The following C8orf34 variants were observed in gnomAD, a reference collection of about 807,000 sequenced individuals.
C8orf34 encodes the protein chromosome 8 open reading frame 34, also known as uncharacterized protein C8orf34.
Under a neutral mutation model 68.3 loss-of-function variants are expected in C8orf34, and 65 were observed. That is an observed-to-expected ratio of 0.95 (90% CI 0.78 to 1.17). The LOEUF is 1.17. Ranked by LOEUF, C8orf34 falls within the 50% of genes most tolerant of loss-of-function variation. The pLI is 0.00. For missense variants in C8orf34, 664 were observed against 655.4 expected, an observed-to-expected ratio of 1.01 and a Z score of -0.14; for synonymous variants, 244 against 241.2, an observed-to-expected ratio of 1.01 and a Z score of -0.11.
chr8:68,714,016 C>T (rs543671253), intron 9 of C8orf34, among the ~76,000 whole-genome samples: 156 of 152,176 alleles, frequency 1.0e-3, no homozygotes, highest in Non-Finnish European at 1.9e-3. Flanking sequence ...TAGCATACCA[C>T]GTAAACAGAA....
At chr8:68,642,822 TGGTTGATAG>T (rs1819052025) in intron 8 of C8orf34, among the ~76,000 whole-genome samples, 3 of 152,228 alleles carry the variant, frequency 2.0e-5, no homozygotes, top group African/African-American at 7.2e-5. Flanking sequence ...TTTCCATGGA[TGGTTGATAG>T]GGTGGATTTT....
intron 8 of C8orf34, among the ~76,000 whole-genome samples, chr8:68,650,464 G>T (rs967777579): frequency 2.0e-5 from 3 of 149,468 alleles, no homozygotes; most frequent in African/African-American, 7.4e-5. Context: ...AAGGCTGGCC[G>T]CCCCACCCTA....
intron 12 of C8orf34, among the ~76,000 whole-genome samples, chr8:68,808,582 AT>A (rs1188505944): frequency 1.3e-5 from 2 of 151,226 alleles, no homozygotes; most frequent in African/African-American, 4.8e-5. Context: ...GAAATAAAAA[AT>A]AAAAACATTT....
intron 8 of C8orf34, among the ~76,000 whole-genome samples, chr8:68,705,629 G>T (rs1456927159): frequency 6.6e-6 from 1 of 152,058 alleles, no homozygotes; most frequent in Non-Finnish European, 1.5e-5. Flanking sequence ...TGGACGTAAA[G>T]GCATTGAATG....
chr8:68,563,350 A>T (rs889882283), intron 7 of C8orf34, among the ~76,000 whole-genome samples: 1 of 152,200 alleles, frequency 6.6e-6, no homozygotes, highest in South Asian at 2.1e-4. Context: ...AACTCTAAAT[A>T]TATCTAGCTC....
chr8:68,508,296 A>G (rs1314204278), intron 5 of C8orf34, among the ~76,000 whole-genome samples: 1 of 152,226 alleles, frequency 6.6e-6, no homozygotes, highest in Non-Finnish European at 1.5e-5. Flanking sequence ...AAGTTATCAT[A>G]GATGACCATT....
chr8:68,815,746 C>G, intron 12 of C8orf34, 140 bp from the exon 13 acceptor site: 1 of 1,386,892 alleles, frequency 7.2e-7, no homozygotes, highest in Non-Finnish European at 9.9e-7. Flanking sequence ...AGAATGGCAG[C>G]ACAGTACATA....
intron 7 of C8orf34, among the ~76,000 whole-genome samples, chr8:68,562,628 C>A (rs1319893937): frequency 6.6e-6 from 1 of 152,054 alleles, no homozygotes; most frequent in Non-Finnish European, 1.5e-5. Context: ...ACATTGTAAG[C>A]AATTTTGTTG....
At chr8:68,390,858 C>T (rs1200571518) in intron 1 of C8orf34, among the ~76,000 whole-genome samples, 1 of 152,100 alleles carries the variant, frequency 6.6e-6, no homozygotes, top group Non-Finnish European at 1.5e-5. Flanking sequence ...CAGGGCAGGT[C>T]GGCAACTGCT....
Position 68,757,632 on chromosome 8 carries a change from T to A in C8orf34, c.1405-18767T>A, listed in dbSNP as rs868392971. ...TGAGACTCCGTCTCAAAAAAATAAA[T>A]AAATAAATAAATAAATAAAGCACAA... On this transcript the variant is annotated intron_variant, in intron 10 of 13. Transcript: ENST00000518698. Among the ~76,000 whole-genome samples, 5 of 151,826 alleles carry A rather than the reference T, an allele frequency of 3.3e-5. No individual in the cohort carries two copies. The South Asian group carries it at 8.3e-4, about 25-fold the overall frequency.
intron 7 of C8orf34, among the ~76,000 whole-genome samples, chr8:68,596,843 T>C (rs545412521): frequency 8.5e-5 from 13 of 152,178 alleles, no homozygotes; most frequent in African/African-American, 3.1e-4. Flanking sequence ...GTAGAGATAG[T>C]CCAGAACAAA....
At chr8:68,604,425 C>G (rs1028413752) in intron 7 of C8orf34, among the ~76,000 whole-genome samples, 1 of 139,448 alleles carries the variant, frequency 7.2e-6, no homozygotes, top group African/African-American at 3.2e-5. Flanking sequence ...GACAGCAAAT[C>G]ATTCTGTAAG....
chr8:68,554,540 G>T (rs1376662886), intron 7 of C8orf34, among the ~76,000 whole-genome samples: 1 of 151,998 alleles, frequency 6.6e-6, no homozygotes, highest in Admixed American at 6.6e-5. Flanking sequence ...GCTATTCATG[G>T]TCCTTAATAT....
At chr8:68,637,978 A>G (rs1818895258) in intron 7 of C8orf34, among the ~76,000 whole-genome samples, 1 of 152,210 alleles carries the variant, frequency 6.6e-6, no homozygotes, top group Admixed American at 6.5e-5. Flanking sequence ...TTTTAATAAG[A>G]ATAAAATGAA....
intron 7 of C8orf34, among the ~76,000 whole-genome samples, chr8:68,580,779 C>G (rs763789494): frequency 1.3e-5 from 2 of 152,146 alleles, no homozygotes; most frequent in Non-Finnish European, 2.9e-5. Flanking sequence ...AGAGATAGCT[C>G]TTCTTGTGAA....
chr8:68,615,867 A>G (rs1387033630), intron 7 of C8orf34, among the ~76,000 whole-genome samples: 1 of 151,520 alleles, frequency 6.6e-6, no homozygotes, highest in Non-Finnish European at 1.5e-5. Flanking sequence ...AAGGAATGGT[A>G]CCAGTTCCTC....
intron 10 of C8orf34, among the ~76,000 whole-genome samples, chr8:68,744,378 G>T (rs550139066): frequency 6.6e-6 from 1 of 152,348 alleles, no homozygotes; most frequent in Non-Finnish European, 1.5e-5. Context: ...AACAAAGCTG[G>T]ACGGAGAATG....
At chr8:68,535,115 A>G in intron 7 of C8orf34, 1 of 984,952 alleles carries the variant, frequency 1.0e-6, no homozygotes, top group Non-Finnish European at 1.2e-6. Context: ...TCTTAAAATA[A>G]TGCCATATTC....
chr8:68,636,983 A>T (rs146807635), intron 7 of C8orf34, among the ~76,000 whole-genome samples: 8 of 152,326 alleles, frequency 5.3e-5, no homozygotes, highest in Non-Finnish European at 1.2e-4. Context: ...AGAAAAACAA[A>T]TCTCACAGGT....
Sources: gnomAD v4.1 joint callset for allele counts (sites outside exome capture counted in the v4.1 genomes callset) on GRCh38, gnomAD v4.1.1 for gene constraint, MANE v1.5 for transcripts, NCBI Gene and HGNC (gene_info 2026-07-23, HGNC 2026-07-21) for gene names.